Variants in TRAK1 observed in about 807,000 individuals in gnomAD.
The protein encoded by TRAK1 is trafficking kinesin-binding protein 1.
TRAK1 carries 33 observed loss-of-function variants against 92.1 expected under a neutral mutation model. The observed-to-expected ratio is 0.36, with a 90% CI of 0.27 to 0.48. The LOEUF is 0.48. TRAK1 is among the 20% of genes least tolerant of loss of function. The probability of loss-of-function intolerance (pLI) is 0.99; values close to 1 mark genes in which losing one functional copy is unlikely to be tolerated. For missense variants in TRAK1, 1,123 were observed against 1,257.9 expected, an observed-to-expected ratio of 0.89 and a Z score of 1.62; for synonymous variants, 521 against 517.3, an observed-to-expected ratio of 1.01 and a Z score of -0.10.
At chr3:42,067,336 A>C (rs1703721659) in intron 1 of TRAK1, among the ~76,000 whole-genome samples, 2 of 152,228 alleles carry the variant, frequency 1.3e-5, no homozygotes, top group South Asian at 4.1e-4. Flanking sequence ...CACATTTTTT[A>C]TTAAAAAGAA....
chr3:42,046,694 G>T (rs78769033), intron 1 of TRAK1, among the ~76,000 whole-genome samples: 1 of 152,346 alleles, frequency 6.6e-6, no homozygotes, highest in East Asian at 1.9e-4. Flanking sequence ...CCATTGTCAA[G>T]TCTGATGTAG....
intron 10 of TRAK1, 80 bp from the exon 11 acceptor site, chr3:42,199,097 C>G: frequency 6.7e-7 from 1 of 1,496,914 alleles, no homozygotes; most frequent in Non-Finnish European, 9.3e-7. Context: ...CTCCATGGCC[C>G]ACCTGGGTGC....
intron 2 of TRAK1, among the ~76,000 whole-genome samples, chr3:42,147,402 A>T (rs1699449441): frequency 6.6e-6 from 1 of 152,148 alleles, no homozygotes; most frequent in African/African-American, 2.4e-5. Context: ...CAGGTCCTCC[A>T]GGGTGTAAGT....
At chr3:42,193,340 A>G in intron 8 of TRAK1, 135 bp downstream of exon 8, 1 of 1,245,074 alleles carries the variant, frequency 8.0e-7, no homozygotes, top group Middle Eastern at 2.0e-4. Flanking sequence ...GAAAAAGCTT[A>G]GTGGACTCAG....
chr3:42,033,282 AT>A (rs556323028), intron 1 of TRAK1, among the ~76,000 whole-genome samples: 41 of 152,262 alleles, frequency 2.7e-4, no homozygotes, highest in Middle Eastern at 6.8e-3. Flanking sequence ...GGCATAAATA[AT>A]GCAATCTATG....
chr3:42,030,039 CA>C (rs1341440957), intron 1 of TRAK1, among the ~76,000 whole-genome samples: 1 of 151,890 alleles, frequency 6.6e-6, no homozygotes, highest in African/African-American at 2.4e-5. Context: ...CAGGAGCAGC[CA>C]AGGGAGAGAA....
Position 42,135,431 on chromosome 3 carries a change from G to A in TRAK1, c.286+9817G>A, listed in dbSNP as rs141277854. On this transcript the variant is annotated intron_variant, in intron 2 of 15. Transcript: ENST00000327628. The stretch of plus-strand genomic sequence containing the variant: ...TTGATGGAGGGAATACCACGGTGAT[G>A]ATTGAATATGAAAAGTCTTGGCACA... Among the ~76,000 whole-genome samples the A allele has an allele frequency of 2.5e-4, 38 of 152,280 alleles. No individual in the cohort carries two copies. In the Middle Eastern group the frequency reaches 0.017, roughly 68 times the overall value.
chr3:42,150,718 G>C (rs975375093), intron 2 of TRAK1, among the ~76,000 whole-genome samples: 1 of 152,146 alleles, frequency 6.6e-6, no homozygotes. Flanking sequence ...GTGGGTTAAG[G>C]CTTTCTCAGG....
chr3:42,153,771 A>G (rs1700224536), intron 2 of TRAK1, among the ~76,000 whole-genome samples: 1 of 151,960 alleles, frequency 6.6e-6, no homozygotes, highest in Non-Finnish European at 1.5e-5. Flanking sequence ...GCGTGAGTGA[A>G]GTTTTGTTAG....
chr3:42,100,752 TGTCTACTGGGTTCAA>T (rs1356924224), intron 1 of TRAK1, among the ~76,000 whole-genome samples: 5 of 152,220 alleles, frequency 3.3e-5, no homozygotes, highest in African/African-American at 1.2e-4. Flanking sequence ...CTGCAACCTC[TGTCTACTGGGTTCAA>T]GTGATTCTCC....
intron 2 of TRAK1, among the ~76,000 whole-genome samples, chr3:42,171,409 A>C (rs1222795079): frequency 6.6e-6 from 1 of 152,216 alleles, no homozygotes; most frequent in Non-Finnish European, 1.5e-5. Flanking sequence ...AAGACTGATA[A>C]GACCAAAATG....
intron 10 of TRAK1, among the ~76,000 whole-genome samples, chr3:42,196,435 C>T (rs1336407230): frequency 6.6e-6 from 1 of 152,126 alleles, no homozygotes; most frequent in Non-Finnish European, 1.5e-5. Context: ...ATATTTCCTT[C>T]CTGTATGAAG....
At chr3:42,148,417 A>G (rs1259524701) in intron 2 of TRAK1, among the ~76,000 whole-genome samples, 3 of 152,174 alleles carry the variant, frequency 2.0e-5, no homozygotes, top group Non-Finnish European at 4.4e-5. Context: ...ATTATCCACT[A>G]CCTTGTTTTA....
rs201576814 is a variant in TRAK1 at position 42,193,163 on chromosome 3, C to T, written c.858C>T (p.His286=). The T allele has an allele frequency of 5.0e-6, 8 of 1,614,216 alleles. No individual in the cohort carries two copies. The East Asian group carries it at 8.9e-5, about 18-fold the overall frequency. ...CCCGCCAGCAAGAGGAGATCACACA[C>T]CTGCTATCGCAAATAGTTGATTTGC... ...DAARQQEEIT[H]LLSQIVDLQK... The change falls in exon 8 of 16, where the codon CAC becomes CAT. Residue 286 remains histidine, a synonymous_variant. Coordinates refer to ENST00000327628, the MANE Select transcript of TRAK1 (RefSeq NM_001042646.3).
At chr3:42,081,245 A>G (rs953335141) in intron 1 of TRAK1, among the ~76,000 whole-genome samples, 3 of 152,212 alleles carry the variant, frequency 2.0e-5, no homozygotes, top group African/African-American at 7.2e-5. Flanking sequence ...GAGCCAGCCT[A>G]GAGAGCCCAT....
chr3:42,217,839 T>G (rs1709891250), intron 14 of TRAK1: 1 of 985,324 alleles, frequency 1.0e-6, no homozygotes, highest in African/African-American at 1.7e-5. Flanking sequence ...GGTTGCCTTC[T>G]CTTCATAGCT....
chr3:42,195,509 C>G (rs1238338701), intron 10 of TRAK1, among the ~76,000 whole-genome samples: 2 of 152,140 alleles, frequency 1.3e-5, no homozygotes, highest in Admixed American at 1.3e-4. Context: ...CGTAAATGCT[C>G]GTGAGATTCT....
At chr3:42,029,364 C>T (rs1702032179) in intron 1 of TRAK1, among the ~76,000 whole-genome samples, 1 of 151,694 alleles carries the variant, frequency 6.6e-6, no homozygotes, top group Non-Finnish European at 1.5e-5. Flanking sequence ...TCAGCCCCTC[C>T]AGTAGCTGGG....
chr3:42,018,807 C>T (rs1264985177), intron 1 of TRAK1, among the ~76,000 whole-genome samples: 1 of 152,114 alleles, frequency 6.6e-6, no homozygotes, highest in Non-Finnish European at 1.5e-5. Flanking sequence ...TACATAGATG[C>T]AGGTTGATTT....
Sources: allele counts gnomAD v4.1 joint callset (sites outside exome capture counted in the v4.1 genomes callset), GRCh38; gene constraint gnomAD v4.1.1; transcripts MANE v1.5; gene names NCBI Gene and HGNC (gene_info 2026-07-23, HGNC 2026-07-21).